The following SRSF4 variants were observed in gnomAD, a reference collection of about 807,000 sequenced individuals.
The protein encoded by SRSF4 is serine and arginine rich splicing factor 4, also known as serine/arginine-rich splicing factor 4.
A neutral mutation model predicts 48.8 loss-of-function variants in SRSF4; 12 were observed. The observed-to-expected ratio is 0.25, with a 90% CI of 0.16 to 0.40. The LOEUF (loss-of-function observed/expected upper bound fraction) is 0.40, where lower values mean the gene tolerates loss of function less well. Among genes scored for constraint, SRSF4 ranks in the 10% least tolerant of loss-of-function variants. The probability of loss-of-function intolerance (pLI) is 1.00; values close to 1 mark genes in which losing one functional copy is unlikely to be tolerated. For synonymous variants in SRSF4, 248 were observed against 232.5 expected (o/e 1.07, Z -0.61); for missense variants, 466 against 667.1 (o/e 0.70, Z 3.32).
At chr1:29,181,593 A>G (rs567869842) in intron 1 of SRSF4, 53 bp downstream of exon 1, 3 of 1,448,496 alleles carry the variant, frequency 2.1e-6, no homozygotes, top group African/African-American at 2.9e-5. Context: ...CGGCCTCCCC[A>G]CCACCTATGG....
intron 2 of SRSF4, 160 bp downstream of exon 2, chr1:29,160,215 C>A: frequency 1.2e-6 from 1 of 807,634 alleles, no homozygotes; most frequent in Non-Finnish European, 1.8e-6. Flanking sequence ...TAAACATTAT[C>A]AAAGGCTTAT....
At chr1:29,167,502 A>G (rs1267581332) in intron 1 of SRSF4, among the ~76,000 whole-genome samples, 2 of 152,246 alleles carry the variant, frequency 1.3e-5, no homozygotes, top group East Asian at 3.8e-4. Flanking sequence ...CTCCTGCCTC[A>G]GCCTCTTGAA....
intron 1 of SRSF4, chr1:29,169,507 T>C (rs1326381577): frequency 6.6e-6 from 1 of 152,232 alleles, no homozygotes; most frequent in Non-Finnish European, 1.5e-5. Context: ...TACCAGTAAG[T>C]TGTGAACATT....
chr1:29,178,353 C>CTTCTTTTTTTTTTTT lies in SRSF4; in HGVS notation c.107+3292_107+3293insAAAAAAAAAAAAGAA, dbSNP rs141096220. 4.0e-4 allele frequency among the ~76,000 whole-genome samples: 51 copies of CTTCTTTTTTTTTTTT among 127,884 alleles called. 8 individuals are homozygous for CTTCTTTTTTTTTTTT. The highest frequency in any genetic ancestry group is 2.6e-3 in the East Asian group (11 of 4,304). 83.9% of individuals were successfully genotyped at this position (127,884 alleles called of 152,430 possible). ...AAAATCTGTTTCTGAGTTTCAATTA[C>CTTCTTTTTTTTTTTT]TTTTTTTTTTGAGACAGAGTCTCGC... On this transcript the variant is annotated intron_variant, in intron 1 of 5. Coordinates refer to ENST00000373795, the MANE Select transcript of SRSF4 (RefSeq NM_005626.5).
At chr1:29,169,378 G>A (rs1672714449) in intron 1 of SRSF4, 1 of 152,176 alleles carries the variant, frequency 6.6e-6, no homozygotes, top group African/African-American at 2.4e-5. Context: ...CAGAAAATCA[G>A]TTTCATCAAA....
chr1:29,173,614 A>G (rs1245939592), intron 1 of SRSF4: 4 of 143,668 alleles, frequency 2.8e-5, no homozygotes, highest in Non-Finnish European at 6.0e-5. Flanking sequence ...ATACCCAGCT[A>G]ATTTTTGTCT....
chr1:29,152,881 T>A (rs1672434872), intron 4 of SRSF4, among the ~76,000 whole-genome samples: 1 of 148,804 alleles, frequency 6.7e-6, no homozygotes, highest in Non-Finnish European at 1.5e-5. Context: ...ATTGTGCCAC[T>A]ACACTCCAGC....
chr1:29,155,119 A>G (rs1672477113), intron 3 of SRSF4, among the ~76,000 whole-genome samples: 1 of 152,182 alleles, frequency 6.6e-6, no homozygotes, highest in Non-Finnish European at 1.5e-5. Context: ...ATAAATACAC[A>G]TTAAATTGTT....
chr1:29,149,630 G>A (rs547732619), intron 5 of SRSF4, among the ~76,000 whole-genome samples: 2 of 149,538 alleles, frequency 1.3e-5, no homozygotes, highest in African/African-American at 2.5e-5. Context: ...GCAGTGAGCC[G>A]AGATCGCGCC....
chr1:29,152,643 G>A (rs575936639), intron 4 of SRSF4, among the ~76,000 whole-genome samples: 118 of 152,188 alleles, frequency 7.8e-4, no homozygotes, highest in African/African-American at 2.8e-3. Flanking sequence ...TTCTCGACGG[G>A]CACGGTGGCT....
chr1:29,179,492 T>C (rs1471405795), intron 1 of SRSF4, among the ~76,000 whole-genome samples: 1 of 152,086 alleles, frequency 6.6e-6, no homozygotes, highest in Non-Finnish European at 1.5e-5. Context: ...CTGAAGTAGC[T>C]AGGACTATAG....
intron 1 of SRSF4, among the ~76,000 whole-genome samples, chr1:29,177,893 A>ATTTTTTTTTTT (rs397979781): frequency 1.1e-5 from 1 of 93,636 alleles, no homozygotes; most frequent in African/African-American, 4.4e-5. Flanking sequence ...ATTACACAAG[A>ATTTTTTTTTTT]TTTTTTTTTT....
rs1324354279 is a variant in SRSF4 at position 29,181,899 on chromosome 1, G to A, written c.-147C>T. 5 of 535,480 alleles carry A rather than the reference G, an allele frequency of 9.3e-6. No individual in the cohort carries two copies. Among genetic ancestry groups the A allele is most frequent in the Non-Finnish European group, 8.8e-6 (3 of 342,584 alleles). The allele number at this position is 535,480 out of a possible 1,614,324, so 33.2% of individuals were successfully genotyped here. A position where few individuals can be genotyped will look rare whatever the true frequency, so the allele number is the denominator to read the frequency against. On this transcript the variant is annotated 5_prime_UTR_variant, in exon 1 of 6. Coordinates refer to ENST00000373795, the MANE Select transcript of SRSF4 (RefSeq NM_005626.5). ...GAACCCCGGCGACGTACGCGAGCAC[G>A]CAGCTCGCGAGCGCGCGCTTCCACT... is the stretch of plus-strand genomic sequence containing the variant.
chr1:29,175,028 G>A lies in SRSF4; in HGVS notation c.107+6618C>T, dbSNP rs1048017191. ...AAAAGAAGAGAGACAGAGTGCGTGC[G>A]TGCACATGCCCATACCTGTATGTGA... On this transcript the variant is annotated intron_variant, in intron 1 of 5. Transcript: ENST00000373795. Among the ~76,000 whole-genome samples the A allele has an allele frequency of 2.6e-5, 4 of 151,206 alleles. No homozygotes were observed. In the South Asian group the frequency reaches 6.3e-4, roughly 24 times the overall value.
At chr1:29,178,101 T>C (rs966664840) in intron 1 of SRSF4, among the ~76,000 whole-genome samples, 1 of 151,888 alleles carries the variant, frequency 6.6e-6, no homozygotes, top group Non-Finnish European at 1.5e-5. Context: ...GGTTTCACCA[T>C]GTTGGCCAGG....
intron 1 of SRSF4, chr1:29,171,324 C>T (rs1304344815): frequency 6.6e-6 from 1 of 150,788 alleles, no homozygotes; most frequent in Non-Finnish European, 1.5e-5. Context: ...CCTGAACTAC[C>T]CTCTCACCCT....
At position 29,149,199 on chromosome 1, in the gene SRSF4, G is replaced by A. The variant is rs1270762732; in HGVS notation, c.696C>T (p.Ser232=). ...GGCTCCGACTCTGGCTCCGGCTCCG[G>A]CTCTTGCTCCGGGAGCGGGAGCCCG... ...SRSGSRSRSK[S]RSRSQSRSRS... The change falls in exon 6 of 6, where the codon AGC becomes AGT. Residue 232 remains serine (S), a synonymous_variant. Transcript: ENST00000373795. The A allele has an allele frequency of 6.2e-7, 1 of 1,609,552 alleles. No individual in the cohort carries two copies. The highest frequency in any genetic ancestry group is 2.2e-5 in the East Asian group (1 of 44,874).
At chr1:29,174,599 A>G (rs1233952193) in intron 1 of SRSF4, among the ~76,000 whole-genome samples, 1 of 151,754 alleles carries the variant, frequency 6.6e-6, no homozygotes, top group Admixed American at 6.6e-5. Flanking sequence ...AATAACTTAT[A>G]GTATGATTCC....
intron 1 of SRSF4, among the ~76,000 whole-genome samples, chr1:29,165,108 T>C (rs1438531447): frequency 3.3e-5 from 5 of 152,192 alleles, no homozygotes; most frequent in Non-Finnish European, 7.3e-5. Flanking sequence ...AAAACTATTT[T>C]CCTCTGGTCA....
Sources: allele counts gnomAD v4.1 joint callset (sites outside exome capture counted in the v4.1 genomes callset), GRCh38; gene constraint gnomAD v4.1.1; transcripts MANE v1.5; gene names NCBI Gene and HGNC (gene_info 2026-07-23, HGNC 2026-07-21).